The following PLIN3 variants were observed in gnomAD, a reference collection of about 807,000 sequenced individuals.
PLIN3 encodes perilipin-3.
A neutral mutation model predicts 35.9 loss-of-function variants in PLIN3; 30 were observed. That is an observed-to-expected ratio of 0.84 (90% CI 0.62 to 1.13). The LOEUF (loss-of-function observed/expected upper bound fraction) is 1.13, where lower values mean the gene tolerates loss of function less well. Among genes scored for constraint, PLIN3 ranks in the 50% most tolerant of loss-of-function variants. PLIN3 has a pLI of 0.00. For synonymous variants in PLIN3, 261 were observed against 262.5 expected (o/e 0.99, Z 0.06); for missense variants, 603 against 596.9 (o/e 1.01, Z -0.11).
chr19:4,861,436 A>G, intron 1 of PLIN3, 25 bp from the exon 2 acceptor site: 1 of 1,544,404 alleles, frequency 6.5e-7, no homozygotes, highest in Non-Finnish European at 8.9e-7. Context: ...ACAGTCAGGT[A>G]CAGCCTGCCT....
chr19:4,849,858 G>A (rs560962273), intron 5 of PLIN3, among the ~76,000 whole-genome samples: 1 of 151,904 alleles, frequency 6.6e-6, no homozygotes, highest in African/African-American at 2.4e-5. Flanking sequence ...TCACCATGTT[G>A]GCCAGGCTGG....
chr19:4,857,704 G>A (rs2030519360), intron 4 of PLIN3, among the ~76,000 whole-genome samples: 1 of 152,106 alleles, frequency 6.6e-6, no homozygotes, highest in African/African-American at 2.4e-5. Flanking sequence ...GGCTGGGCCT[G>A]GTGGCTCATG....
chr19:4,846,368 G>A (rs2030097554), intron 6 of PLIN3, among the ~76,000 whole-genome samples: 1 of 150,900 alleles, frequency 6.6e-6, no homozygotes, highest in Admixed American at 6.7e-5. Flanking sequence ...TATCCATTAG[G>A]GTGGGCTCCA....
intron 7 of PLIN3, among the ~76,000 whole-genome samples, chr19:4,840,725 G>C (rs988892968): frequency 6.6e-6 from 1 of 152,144 alleles, no homozygotes; most frequent in Non-Finnish European, 1.5e-5. Flanking sequence ...GCCAAGGTGC[G>C]TGGATCACCG....
At chr19:4,843,709 G>A (rs1264125578) in intron 7 of PLIN3, among the ~76,000 whole-genome samples, 2 of 151,860 alleles carry the variant, frequency 1.3e-5, no homozygotes, top group Non-Finnish European at 2.9e-5. Context: ...CGTGGCACAC[G>A]CCTGTGTTCC....
intron 2 of PLIN3, among the ~76,000 whole-genome samples, chr19:4,860,250 G>A (rs988203890): frequency 2.6e-5 from 4 of 151,894 alleles, no homozygotes; most frequent in African/African-American, 7.3e-5. Flanking sequence ...ACTGTTGCCC[G>A]GGCTGGAGTG....
chr19:4,855,255 A>T, intron 4 of PLIN3, among the ~76,000 whole-genome samples: 1 of 18,442 alleles, frequency 5.4e-5, no homozygotes, highest in South Asian at 2.0e-3. Context: ...ATCTGAAAAA[A>T]AAAAAAAAAA....
chr19:4,849,097 T>C (rs1160860553), intron 5 of PLIN3, among the ~76,000 whole-genome samples: 3 of 150,838 alleles, frequency 2.0e-5, no homozygotes, highest in Non-Finnish European at 4.4e-5. Context: ...CCCGAGTAGC[T>C]GGGACTACAT....
At position 4,839,360 on chromosome 19, in the gene PLIN3, G is replaced by A; in HGVS notation, c.1137C>T (p.Phe379=). The A allele has an allele frequency of 1.2e-6, 2 of 1,613,812 alleles. No individual in the cohort carries two copies. The highest frequency in any genetic ancestry group is 1.7e-6 in the Non-Finnish European group (2 of 1,179,762). The part of the protein sequence containing the change: ...LQATFSSIHS[F]QDLSSSILAQ... ...CCAGAATGCTGCTGGACAGGTCCTG[G>A]AAGGAGTGGATGCTGGAAAACGTGG... The change falls in exon 8 of 8, where the codon TTC becomes TTT. Residue 379 remains phenylalanine (F), a synonymous_variant. Coordinates refer to ENST00000221957, the MANE Select transcript of PLIN3 (RefSeq NM_005817.5).
intron 7 of PLIN3, 108 bp from the exon 8 acceptor site, chr19:4,839,644 G>T: frequency 1.2e-6 from 1 of 814,836 alleles, no homozygotes; most frequent in Non-Finnish European, 1.8e-6. Context: ...TGACCTTGGG[G>T]CAAACGCTTT....
At chr19:4,855,241 C>T (rs1222607344) in intron 4 of PLIN3, among the ~76,000 whole-genome samples, 1 of 125,470 alleles carries the variant, frequency 8.0e-6, no homozygotes, top group African/African-American at 3.1e-5. Flanking sequence ...CAGAACGAGA[C>T]TCCATCTGAA....
chr19:4,851,976 C>T (rs528410579), intron 5 of PLIN3, 40 bp downstream of exon 5: 2 of 1,587,968 alleles, frequency 1.3e-6, no homozygotes, highest in Admixed American at 3.4e-5. Flanking sequence ...GTCAGGGGGC[C>T]TGGGGAGGGG....
At chr19:4,863,314 A>G (rs998434495) in intron 1 of PLIN3, among the ~76,000 whole-genome samples, 8 of 151,518 alleles carry the variant, frequency 5.3e-5, no homozygotes, top group African/African-American at 1.7e-4. Context: ...CCTGACCAAC[A>G]TGGAGAAACC....
intron 1 of PLIN3, among the ~76,000 whole-genome samples, chr19:4,866,286 G>A (rs952306489): frequency 6.6e-6 from 1 of 152,268 alleles, no homozygotes; most frequent in Non-Finnish European, 1.5e-5. Context: ...CCAAAGTGCT[G>A]GGATTATAGG....
intron 1 of PLIN3, among the ~76,000 whole-genome samples, chr19:4,863,943 T>A (rs1209677726): frequency 6.6e-6 from 1 of 152,076 alleles, no homozygotes; most frequent in Non-Finnish European, 1.5e-5. Context: ...AACTTTCTTC[T>A]CTTTCTTGAG....
chr19:4,859,104 G>C (rs888753427), intron 4 of PLIN3, among the ~76,000 whole-genome samples: 3 of 152,178 alleles, frequency 2.0e-5, no homozygotes, highest in Non-Finnish European at 4.4e-5. Context: ...ACGTAACTAA[G>C]ATTTTCAGTA....
intron 7 of PLIN3, among the ~76,000 whole-genome samples, chr19:4,839,925 A>C (rs2029872669): frequency 6.6e-6 from 1 of 150,574 alleles, no homozygotes; most frequent in Non-Finnish European, 1.5e-5. Context: ...TTGGCCTCCC[A>C]AAATGCTGGG....
intron 4 of PLIN3, among the ~76,000 whole-genome samples, chr19:4,856,857 C>A (rs1364037868): frequency 6.6e-6 from 1 of 151,826 alleles, no homozygotes; most frequent in Non-Finnish European, 1.5e-5. Context: ...AGGAACTCAC[C>A]ATCACGCCTG....
rs1325874514 is a variant in PLIN3, at chr19:4,839,110, G to A, written c.*82C>T. On this transcript the variant is annotated 3_prime_UTR_variant, in exon 8 of 8. Transcript: ENST00000221957. Reference sequence around the variant, plus strand: ...GCTGGGAGGAGTGGCTAGAAAATAAGTTTGAAATGAGCCCCGGGTTGAGGA... The same window carrying A: ...GCTGGGAGGAGTGGCTAGAAAATAAATTTGAAATGAGCCCCGGGTTGAGGA... 2.6e-6 allele frequency: 3 copies of A among 1,167,134 alleles called. No individual in the cohort carries two copies. The highest frequency in any genetic ancestry group is 3.1e-5 in the African/African-American group (2 of 65,078). The allele number at this position is 1,167,134 out of a possible 1,614,324, so 72.3% of individuals were successfully genotyped here.
Sources: gnomAD v4.1 joint callset for allele counts (sites outside exome capture counted in the v4.1 genomes callset) on GRCh38, gnomAD v4.1.1 for gene constraint, MANE v1.5 for transcripts, NCBI Gene and HGNC (gene_info 2026-07-23, HGNC 2026-07-21) for gene names.